The following CD200R1L variants were observed in gnomAD, a reference collection of about 807,000 sequenced individuals.
CD200R1L encodes the protein cell surface glycoprotein CD200 receptor 2.
In CD200R1L, 14 loss-of-function variants were observed where a neutral mutation model predicts 24.8. That is an observed-to-expected ratio of 0.56 (90% CI 0.37 to 0.88). The LOEUF (loss-of-function observed/expected upper bound fraction) is 0.88, where lower values mean the gene tolerates loss of function less well. Ranked by LOEUF, CD200R1L falls within the 40% of genes least tolerant of loss-of-function variation. The pLI, the probability that CD200R1L is intolerant of heterozygous loss-of-function variation, is 0.00. For synonymous variants in CD200R1L, 111 were observed against 109.2 expected (o/e 1.02, Z -0.11); for missense variants, 299 against 297.8 (o/e 1.00, Z -0.03).
At chr3:112,827,722 T>C in intron 4 of CD200R1L, 38 bp from the exon 5 acceptor site, 1 of 1,562,238 alleles carries the variant, frequency 6.4e-7, no homozygotes, top group Non-Finnish European at 8.7e-7. Context: ...ATAGAAAACC[T>C]TGATAAGGAA....
intron 7 of CD200R1L, among the ~76,000 whole-genome samples, chr3:112,818,954 C>A (rs544262799): frequency 6.6e-6 from 1 of 152,088 alleles, no homozygotes; most frequent in African/African-American, 2.4e-5. Context: ...GGGTAATTTA[C>A]GAAGAAAAGA....
chr3:112,836,075 C>T (rs1044945170), intron 3 of CD200R1L, among the ~76,000 whole-genome samples: 6 of 152,252 alleles, frequency 3.9e-5, no homozygotes, highest in African/African-American at 1.4e-4. Flanking sequence ...TGCCTTCAGC[C>T]AGGTGCTTGT....
At chr3:112,817,262 G>A (rs934103986) in intron 7 of CD200R1L, among the ~76,000 whole-genome samples, 1 of 151,906 alleles carries the variant, frequency 6.6e-6, no homozygotes, top group African/African-American at 2.4e-5. Flanking sequence ...TTTTACTTAT[G>A]TTCAATTACA....
chr3:112,834,990 G>A (rs1325136273), intron 3 of CD200R1L, among the ~76,000 whole-genome samples: 1 of 152,194 alleles, frequency 6.6e-6, no homozygotes, highest in Admixed American at 6.5e-5. Context: ...TCCTAGGTCT[G>A]GGCTCCCCAA....
intron 6 of CD200R1L, among the ~76,000 whole-genome samples, chr3:112,822,896 T>A (rs1206655323): frequency 6.6e-6 from 1 of 152,210 alleles, no homozygotes; most frequent in African/African-American, 2.4e-5. Flanking sequence ...GATTAAAGGG[T>A]GCCAGGGAAG....
intron 3 of CD200R1L, among the ~76,000 whole-genome samples, chr3:112,832,916 C>T (rs140459074): frequency 0.013 from 1,971 of 152,306 alleles, 24 homozygotes; most frequent in Non-Finnish European, 0.021. Flanking sequence ...TCATATTGGT[C>T]TACTATATTG....
chr3:112,838,468 C>CA (rs201932878), intron 2 of CD200R1L, among the ~76,000 whole-genome samples: 5,801 of 106,962 alleles, frequency 0.054, 390 homozygotes, highest in African/African-American at 0.18. Flanking sequence ...GCTGAATTTG[C>CA]AAAAAAAACA....
intron 3 of CD200R1L, among the ~76,000 whole-genome samples, chr3:112,831,109 G>GA (rs562933319): frequency 4.7e-4 from 71 of 152,168 alleles, no homozygotes; most frequent in Non-Finnish European, 8.2e-4. Flanking sequence ...TAATTTTTAA[G>GA]ATGTTAACAT....
chr3:112,838,880 G>T (rs1326531776), intron 2 of CD200R1L, among the ~76,000 whole-genome samples: 3 of 152,150 alleles, frequency 2.0e-5, no homozygotes, highest in Non-Finnish European at 4.4e-5. Context: ...CGGCTGAAAG[G>T]CCTTAAGAGA....
At chr3:112,824,063 T>A (rs1938603763) in intron 6 of CD200R1L, among the ~76,000 whole-genome samples, 1 of 152,152 alleles carries the variant, frequency 6.6e-6, no homozygotes, top group Non-Finnish European at 1.5e-5. Context: ...TTAAGCTGGG[T>A]CCAGGAAGAG....
At chr3:112,827,909 A>G (rs1489735973) in intron 4 of CD200R1L, among the ~76,000 whole-genome samples, 1 of 152,238 alleles carries the variant, frequency 6.6e-6, no homozygotes. Flanking sequence ...ATGTATTATT[A>G]GAAAAACAAT....
chr3:112,817,291 T>G (rs1450111218), intron 7 of CD200R1L, among the ~76,000 whole-genome samples: 1 of 152,164 alleles, frequency 6.6e-6, no homozygotes, highest in Non-Finnish European at 1.5e-5. Flanking sequence ...AGTGTTAATC[T>G]TAGTATTTGT....
chr3:112,831,534 A>G (rs1337018511), intron 3 of CD200R1L, among the ~76,000 whole-genome samples: 1 of 152,234 alleles, frequency 6.6e-6, no homozygotes, highest in Non-Finnish European at 1.5e-5. Flanking sequence ...TTATTTGAAA[A>G]TAAAATCATT....
intron 3 of CD200R1L, chr3:112,829,590 G>A (rs1354036140): frequency 1.1e-6 from 1 of 905,604 alleles, no homozygotes; most frequent in African/African-American, 1.8e-5. Context: ...ATACTTATAA[G>A]CAATTGATAA....
At chr3:112,823,562 A>G (rs1242505788) in intron 6 of CD200R1L, among the ~76,000 whole-genome samples, 2 of 152,010 alleles carry the variant, frequency 1.3e-5, no homozygotes, top group Admixed American at 6.6e-5. Context: ...AAACTCACAC[A>G]CATTTGGTGT....
chr3:112,825,750 A>G (rs1938642136), intron 6 of CD200R1L, among the ~76,000 whole-genome samples: 2 of 152,186 alleles, frequency 1.3e-5, no homozygotes, highest in South Asian at 4.1e-4. Flanking sequence ...TAATTTAAGG[A>G]ACAAAAAAAC....
At chr3:112,816,847 G>C (rs768215246) in intron 7 of CD200R1L, among the ~76,000 whole-genome samples, 2 of 152,148 alleles carry the variant, frequency 1.3e-5, no homozygotes, top group Non-Finnish European at 2.9e-5. Flanking sequence ...GTGAATAAGT[G>C]TCATGAGTTC....
At chr3:112,822,132 TGA>T (rs1681577608) in intron 6 of CD200R1L, among the ~76,000 whole-genome samples, 1 of 152,212 alleles carries the variant, frequency 6.6e-6, no homozygotes, top group African/African-American at 2.4e-5. Context: ...TACACTGTGC[TGA>T]GAGTCACAGA....
chr3:112,829,887 T>C (rs542968457), intron 3 of CD200R1L, among the ~76,000 whole-genome samples: 1 of 152,294 alleles, frequency 6.6e-6, no homozygotes, highest in East Asian at 1.9e-4. Context: ...GACACTCTTG[T>C]TGCTACTCAA....
Sources: allele counts gnomAD v4.1 joint callset (sites outside exome capture counted in the v4.1 genomes callset), GRCh38; gene constraint gnomAD v4.1.1; transcripts MANE v1.5; gene names NCBI Gene and HGNC (gene_info 2026-07-23, HGNC 2026-07-21).